Variants in PCDHA4 observed in about 807,000 individuals in gnomAD.
PCDHA4 encodes the protein protocadherin alpha 4.
In PCDHA4, 49 loss-of-function variants were observed where a neutral mutation model predicts 61.4. The observed-to-expected ratio is 0.80, with a 90% CI of 0.63 to 1.01. The LOEUF is 1.01. PCDHA4 is among the 50% of genes least tolerant of loss of function. PCDHA4 has a pLI of 0.00. For synonymous variants in PCDHA4, 590 were observed against 550.3 expected (o/e 1.07, Z -1.01); for missense variants, 1,254 against 1,235.8 (o/e 1.01, Z -0.22).
Position 140,843,095 on chromosome 5 carries a change from G to GC in PCDHA4, c.2385+33524dup. On this transcript the variant is annotated intron_variant, in intron 1 of 3. Coordinates refer to ENST00000530339, the MANE Select transcript of PCDHA4 (RefSeq NM_018907.4). ...GTCTGTGGGCGCGGGCCACGTGGTA[G>GC]CGAAGGTGCGCGCAGTGGACGCCGA... is the stretch of plus-strand genomic sequence containing the variant. The GC allele has an allele frequency of 4.4e-6, 7 of 1,595,672 alleles. 2 individuals are homozygous for GC. The highest frequency in any genetic ancestry group is 6.0e-6 in the Non-Finnish European group (7 of 1,165,442).
intron 1 of PCDHA4, chr5:140,929,479 A>G (rs2086187931): frequency 4.2e-6 from 5 of 1,193,216 alleles, no homozygotes; most frequent in Admixed American, 3.2e-5. Context: ...CTGGAAGTAT[A>G]GAAGTATTAG....
At chr5:140,869,139 AC>A in intron 1 of PCDHA4, 1 of 1,613,274 alleles carries the variant, frequency 6.2e-7, no homozygotes. Flanking sequence ...TGGGCACCCC[AC>A]GACTACAGCT....
intron 1 of PCDHA4, chr5:140,841,795 C>T (rs2150322842): frequency 6.2e-7 from 1 of 1,613,824 alleles, no homozygotes; most frequent in Non-Finnish European, 8.5e-7. Context: ...AGGGCGCGTC[C>T]GATGCAGATG....
At position 140,933,888 on chromosome 5, in the gene PCDHA4, T is replaced by C. The variant is rs148048721; in HGVS notation, c.2386-45061T>C. On this transcript the variant is annotated intron_variant, in intron 1 of 3. Transcript: ENST00000530339. ...ATATATGTTAGTTTTATCTGTACTTTTGAATATTTTGGCATAAAGTTGTTT... is the reference window on the plus strand; with the variant it reads ...ATATATGTTAGTTTTATCTGTACTTCTGAATATTTTGGCATAAAGTTGTTT... Among the ~76,000 whole-genome samples the C allele has an allele frequency of 7.7e-3, 1,170 of 152,222 alleles. 4 individuals are homozygous for C. Among genetic ancestry groups the C allele is most frequent in the Admixed American group, 0.013 (200 of 15,288 alleles).
chr5:140,843,779 T>A, intron 1 of PCDHA4: 1 of 1,431,270 alleles, frequency 7.0e-7, no homozygotes, highest in African/African-American at 1.4e-5. Flanking sequence ...ACTTTAAAAG[T>A]GTTTCAGATT....
intron 2 of PCDHA4, among the ~76,000 whole-genome samples, chr5:140,981,575 A>G (rs2096938835): frequency 1.3e-5 from 2 of 152,152 alleles, no homozygotes; most frequent in African/African-American, 4.8e-5. Flanking sequence ...CTTTGTCTCA[A>G]AAATAAATAA....
chr5:140,966,978 G>T lies in PCDHA4; in HGVS notation c.2386-11971G>T, dbSNP rs782662616. The stretch of plus-strand genomic sequence containing the variant: ...CGCGCGCTGGGGCTTGAGCTGCGGC[G>T]CTTGGGGCCGGGTTGCTTGCGCATC... On this transcript the variant is annotated intron_variant, in intron 1 of 3. Transcript: ENST00000530339. 3.1e-6 allele frequency: 5 copies of T among 1,603,218 alleles called. No homozygotes were observed. In the African/African-American group the frequency reaches 5.3e-5, roughly 17 times the overall value.
intron 1 of PCDHA4, among the ~76,000 whole-genome samples, chr5:140,956,241 T>G (rs1396335938): frequency 1.3e-5 from 2 of 152,204 alleles, no homozygotes; most frequent in African/African-American, 4.8e-5. Context: ...TCAAGGGGAA[T>G]GCTTCCAGGT....
chr5:140,843,055 C>G lies in PCDHA4; in HGVS notation c.2385+33483C>G, dbSNP rs2150351247. 2.5e-6 allele frequency: 4 copies of G among 1,594,954 alleles called. No homozygotes were observed. In the African/African-American group the frequency reaches 4.0e-5, roughly 16 times the overall value. Reference sequence around the variant, plus strand: ...TGGGTGGCACTGGTGGCGCAGCGAGCAAGCTGGTGCCGCGGTCTGTGGGCG... The same window carrying G: ...TGGGTGGCACTGGTGGCGCAGCGAGGAAGCTGGTGCCGCGGTCTGTGGGCG... On this transcript the variant is annotated intron_variant, in intron 1 of 3. Transcript: ENST00000530339.
intron 1 of PCDHA4, chr5:140,928,909 C>T (rs1364728842): frequency 1.6e-5 from 26 of 1,614,034 alleles, no homozygotes; most frequent in Non-Finnish European, 2.1e-5. Flanking sequence ...TGTCTGGGAA[C>T]CAGGAGGGCA....
chr5:140,870,509 C>T, intron 1 of PCDHA4: 2 of 1,614,230 alleles, frequency 1.2e-6, no homozygotes, highest in Non-Finnish European at 1.7e-6. Context: ...AACAACCCAC[C>T]AGGCTGCCAC....
At chr5:140,982,360 AG>A in intron 2 of PCDHA4, 114 bp from the exon 3 acceptor site, 1 of 1,527,158 alleles carries the variant, frequency 6.5e-7, no homozygotes, top group Non-Finnish European at 8.8e-7. Context: ...AAGCATGAGC[AG>A]AATGTGTTAG....
rs1286159283 is a variant in PCDHA4 at position 140,856,342 on chromosome 5, C to G, written c.2385+46770C>G. The G allele has an allele frequency of 5.6e-6, 9 of 1,598,384 alleles. 1 individual carries two copies. In the Admixed American group the frequency reaches 1.3e-4, roughly 24 times the overall value. On this transcript the variant is annotated intron_variant, in intron 1 of 3. Transcript: ENST00000530339. ...ACCGCGAGGAGCTGTGCGGGCGGAG[C>G]GTGGAGTGCAGCATCCACCTGGAGG...
intron 1 of PCDHA4, chr5:140,851,152 C>G (rs1379835863): frequency 1.5e-6 from 2 of 1,304,948 alleles, no homozygotes; most frequent in African/African-American, 3.1e-5. Flanking sequence ...CATTGAATTT[C>G]TGATGCTATG....
chr5:140,848,619 G>A (rs2150415128), intron 1 of PCDHA4: 2 of 1,593,396 alleles, frequency 1.3e-6, no homozygotes, highest in Admixed American at 1.7e-5. Context: ...AGCCGAACAC[G>A]GCACCTTCGT....
At chr5:140,843,766 G>T (rs1303909479) in intron 1 of PCDHA4, 4 of 1,487,952 alleles carry the variant, frequency 2.7e-6, no homozygotes, top group Non-Finnish European at 3.7e-6. Context: ...GGAAATTGTA[G>T]TTACTTTAAA....
At chr5:140,846,321 T>C (rs1780323093) in intron 1 of PCDHA4, among the ~76,000 whole-genome samples, 1 of 149,102 alleles carries the variant, frequency 6.7e-6, no homozygotes, top group Admixed American at 6.7e-5. Context: ...TGTAGAGTGT[T>C]GTAAATAGCC....
chr5:140,827,237 T>G (rs2150146778), intron 1 of PCDHA4, among the ~76,000 whole-genome samples: 1 of 152,254 alleles, frequency 6.6e-6, no homozygotes, highest in South Asian at 2.1e-4. Flanking sequence ...GGGACAGGGT[T>G]GAAGTTGAGA....
At chr5:140,830,049 AC>A in intron 1 of PCDHA4, 1 of 1,613,626 alleles carries the variant, frequency 6.2e-7, no homozygotes, top group Non-Finnish European at 8.5e-7. Flanking sequence ...CTGGTGAAAG[AC>A]CACGGTGAGC....
Sources: gnomAD v4.1 joint callset for allele counts (sites outside exome capture counted in the v4.1 genomes callset) on GRCh38, gnomAD v4.1.1 for gene constraint, MANE v1.5 for transcripts, NCBI Gene and HGNC (gene_info 2026-07-23, HGNC 2026-07-21) for gene names.